Variants in LRBA observed in about 807,000 individuals in gnomAD.
The protein encoded by LRBA is lipopolysaccharide-responsive and beige-like anchor protein.
In LRBA, 176 loss-of-function variants were observed where a neutral mutation model predicts 330.0. The ratio of observed to expected loss-of-function variants is 0.53; its 90% confidence interval spans 0.47 to 0.60. The LOEUF (loss-of-function observed/expected upper bound fraction) is 0.60. LRBA is among the 20% of genes least tolerant of loss of function. The pLI, the probability that LRBA is intolerant of heterozygous loss-of-function variation, is 0.00. For synonymous variants in LRBA, 1,230 were observed against 1,193.0 expected (o/e 1.03, Z -0.64); for missense variants, 3,259 against 3,444.8 (o/e 0.95, Z 1.35).
chr4:150,460,633 T>C (rs949403078), intron 44 of LRBA, among the ~76,000 whole-genome samples: 5 of 151,800 alleles, frequency 3.3e-5, no homozygotes, highest in Admixed American at 3.3e-4. Context: ...TTTCCTCTGA[T>C]TCCTATGTTG....
At chr4:150,893,352 T>A (rs554076470) in intron 16 of LRBA, among the ~76,000 whole-genome samples, 1 of 152,220 alleles carries the variant, frequency 6.6e-6, no homozygotes, top group African/African-American at 2.4e-5. Flanking sequence ...GCAAACCAAT[T>A]TCTTTTTTTG....
At chr4:150,699,917 T>C (rs1169627923) in intron 36 of LRBA, among the ~76,000 whole-genome samples, 3 of 151,308 alleles carry the variant, frequency 2.0e-5, no homozygotes, top group African/African-American at 4.9e-5. Context: ...CTGGTAGAGG[T>C]TGAGTATCCC....
chr4:150,315,487 A>C, intron 51 of LRBA, 74 bp downstream of exon 51: 1 of 1,272,218 alleles, frequency 7.9e-7, no homozygotes, highest in Non-Finnish European at 1.1e-6. Flanking sequence ...GCAAGTGAAA[A>C]ACAACTGTAA....
At chr4:150,490,284 T>G (rs1177318840) in intron 41 of LRBA, among the ~76,000 whole-genome samples, 4 of 151,834 alleles carry the variant, frequency 2.6e-5, no homozygotes, top group Non-Finnish European at 5.9e-5. Context: ...AAGGAATATG[T>G]ACAATAAATC....
chr4:150,599,122 A>C lies in LRBA; in HGVS notation c.5931T>G (p.Leu1977=). 6.2e-7 allele frequency: 1 copy of C among 1,614,044 alleles called. No homozygotes were observed. Among genetic ancestry groups the C allele is most frequent in the Non-Finnish European group, 8.5e-7 (1 of 1,179,930 alleles). ...CCCAGTAGTCAAGGCGCCAGAACTC[A>C]AGAGGACGACTACAATGAAACAGAG... The part of the protein sequence containing the change: ...AWGNSAVSRP[L]EFWRLDYWED... Residue 1977 remains leucine, a synonymous_variant, in exon 38 of 57, where the codon CTT becomes CTG. Transcript: ENST00000651943.
At chr4:150,581,745 T>A (rs1054314422) in intron 40 of LRBA, 1 of 153,190 alleles carries the variant, frequency 6.5e-6, no homozygotes, top group African/African-American at 2.4e-5. Flanking sequence ...CTTCTCTCTT[T>A]ACCCTGTTTC....
At chr4:150,772,903 T>C (rs1031182031) in intron 34 of LRBA, among the ~76,000 whole-genome samples, 3 of 152,182 alleles carry the variant, frequency 2.0e-5, no homozygotes, top group Non-Finnish European at 4.4e-5. Flanking sequence ...GAGGAATACG[T>C]TGCCTCTAAA....
intron 34 of LRBA, among the ~76,000 whole-genome samples, chr4:150,769,742 G>C (rs1736296445): frequency 6.6e-6 from 1 of 152,160 alleles, no homozygotes; most frequent in African/African-American, 2.4e-5. Flanking sequence ...TATCTAAACA[G>C]CCTGTGACCC....
At chr4:150,409,650 T>G (rs1233674401) in intron 47 of LRBA, among the ~76,000 whole-genome samples, 1 of 152,164 alleles carries the variant, frequency 6.6e-6, no homozygotes, top group Non-Finnish European at 1.5e-5. Context: ...AATCAGTTTA[T>G]CATCTTCCAA....
chr4:150,423,845 C>G (rs995912646), intron 46 of LRBA, among the ~76,000 whole-genome samples: 1 of 152,056 alleles, frequency 6.6e-6, no homozygotes, highest in South Asian at 2.1e-4. Context: ...TCCCCCCCAC[C>G]GCCCGAGAAT....
intron 17 of LRBA, among the ~76,000 whole-genome samples, chr4:150,887,564 C>T (rs187277515): frequency 8.6e-5 from 13 of 151,852 alleles, no homozygotes; most frequent in Non-Finnish European, 1.3e-4. Flanking sequence ...GTCAGGAGAT[C>T]GAGACCATCC....
chr4:150,853,138 AT>A (rs1409745928), intron 22 of LRBA, among the ~76,000 whole-genome samples, 195 bp from the exon 23 acceptor site: 2 of 152,204 alleles, frequency 1.3e-5, no homozygotes, highest in Non-Finnish European at 2.9e-5. Context: ...ACTACAGCCA[AT>A]TTTAATGTTA....
intron 47 of LRBA, among the ~76,000 whole-genome samples, chr4:150,406,588 A>C (rs1466286528): frequency 6.6e-6 from 1 of 152,188 alleles, no homozygotes; most frequent in Non-Finnish European, 1.5e-5. Context: ...AAAATTACTA[A>C]AAACAAACAG....
At chr4:150,745,504 C>CTTTGTTT (rs1393684947) in intron 35 of LRBA, among the ~76,000 whole-genome samples, 4 of 151,840 alleles carry the variant, frequency 2.6e-5, no homozygotes, top group Admixed American at 1.3e-4. Flanking sequence ...AGAAAAAAAC[C>CTTTGTTT]TTTGTTTTTT....
At chr4:150,915,768 T>C in intron 7 of LRBA, 41 bp from the exon 8 acceptor site, 1 of 1,548,802 alleles carries the variant, frequency 6.5e-7, no homozygotes, top group South Asian at 1.2e-5. Flanking sequence ...AAGATAACAA[T>C]TATCCCAATA....
intron 40 of LRBA, among the ~76,000 whole-genome samples, chr4:150,528,852 CA>C (rs1415522006): frequency 1.3e-5 from 2 of 152,234 alleles, no homozygotes; most frequent in East Asian, 3.9e-4. Flanking sequence ...GCTGCAAATA[CA>C]GTTGCAAAAT....
chr4:150,462,043 T>C (rs1754839447), intron 44 of LRBA, among the ~76,000 whole-genome samples: 1 of 151,842 alleles, frequency 6.6e-6, no homozygotes, highest in East Asian at 1.9e-4. Flanking sequence ...TTTGTAAATA[T>C]ATTCCTGCGC....
intron 37 of LRBA, among the ~76,000 whole-genome samples, chr4:150,671,423 C>G (rs1782055253): frequency 1.3e-5 from 2 of 152,044 alleles, no homozygotes; most frequent in Non-Finnish European, 2.9e-5. Context: ...CGTAGGTGTT[C>G]TTGATTGCCT....
chr4:150,968,022 T>TTTG (rs1402532595), intron 2 of LRBA, among the ~76,000 whole-genome samples: 1 of 143,334 alleles, frequency 7.0e-6, no homozygotes. Flanking sequence ...TTTTTTTTTT[T>TTTG]GAGACAGAGT....
Sources: gnomAD v4.1 joint callset for allele counts (sites outside exome capture counted in the v4.1 genomes callset) on GRCh38, gnomAD v4.1.1 for gene constraint, MANE v1.5 for transcripts, NCBI Gene and HGNC (gene_info 2026-07-23, HGNC 2026-07-21) for gene names.